The following PTCHD1 variants were observed in gnomAD, a reference collection of about 807,000 sequenced individuals.
PTCHD1 encodes patched domain containing 1.
Under a neutral mutation model 34.6 loss-of-function variants are expected in PTCHD1, and 3 were observed. That is an observed-to-expected ratio of 0.09 (90% confidence interval 0.04 to 0.22). The LOEUF (loss-of-function observed/expected upper bound fraction) is 0.22. PTCHD1 is among the 10% of genes least tolerant of loss of function. The pLI, the probability that PTCHD1 is intolerant of heterozygous loss-of-function variation, is 1.00. For synonymous variants in PTCHD1, 305 were observed against 283.1 expected (o/e 1.08, Z -0.77); for missense variants, 504 against 685.5 (o/e 0.74, Z 2.96).
intron 1 of PTCHD1, among the ~76,000 whole-genome samples, chrX:23,356,117 A>C (rs1013979799): frequency 1.8e-5 from 2 of 112,060 alleles, no homozygotes; most frequent in African/African-American, 6.5e-5. Context: ...ACAAGGTTTC[A>C]GGACATGCAA....
chrX:23,373,262 C>T (rs1048263443), intron 1 of PTCHD1, among the ~76,000 whole-genome samples: 8 of 112,395 alleles, frequency 7.1e-5, no homozygotes, highest in African/African-American at 1.3e-4. Context: ...TGTCAGTACC[C>T]GCAATAAGAG....
intron 1 of PTCHD1, among the ~76,000 whole-genome samples, chrX:23,360,787 G>A (rs1921957975): frequency 8.9e-6 from 1 of 112,036 alleles, no homozygotes; most frequent in African/African-American, 3.3e-5. Context: ...TGGGCATTTA[G>A]TGCTATAAAT....
intron 1 of PTCHD1, among the ~76,000 whole-genome samples, chrX:23,365,576 A>G (rs1922118851): frequency 9.0e-6 from 1 of 111,593 alleles, no homozygotes; most frequent in Non-Finnish European, 1.9e-5. Context: ...GCACAGTCAC[A>G]CTGGGGGAAG....
intron 2 of PTCHD1, among the ~76,000 whole-genome samples, chrX:23,389,440 T>G (rs886703683): frequency 9.0e-6 from 1 of 111,703 alleles, no homozygotes; most frequent in Non-Finnish European, 1.9e-5. Context: ...TGACAAACCT[T>G]CAGGAAGGAG....
chrX:23,389,802 A>C (rs1450508511), intron 2 of PTCHD1, among the ~76,000 whole-genome samples: 1 of 111,964 alleles, frequency 8.9e-6, no homozygotes, highest in Non-Finnish European at 1.9e-5. Flanking sequence ...CCCCCAAACC[A>C]AGAACATATG....
In PTCHD1 at chrX:23,400,022, C is replaced by T. The variant is rs1272461216; in HGVS notation, c.*5837C>T. 8.9e-6 allele frequency: 1 copy of T among 112,185 alleles called. No individual in the cohort carries two copies. The highest frequency in any genetic ancestry group is 1.9e-5 in the Non-Finnish European group (1 of 53,282). 9.2% of individuals were successfully genotyped at this position (112,185 alleles called of 1,213,427 possible). ...ACTGCATACCACATCCTTAGAAGGC[C>T]TGCTCCCAAATGAGCCCTACTCTGA... is the stretch of plus-strand genomic sequence containing the variant. On this transcript the variant is annotated 3_prime_UTR_variant, in exon 3 of 3. Coordinates refer to ENST00000379361, the MANE Select transcript of PTCHD1 (RefSeq NM_173495.3).
intron 1 of PTCHD1, among the ~76,000 whole-genome samples, chrX:23,374,270 G>GA (rs1302127507): frequency 1.1e-4 from 1 of 9,027 alleles, no homozygotes; most frequent in Non-Finnish European, 2.2e-4. Context: ...TTTTCAACAA[G>GA]AAACAAATAC....
intron 1 of PTCHD1, among the ~76,000 whole-genome samples, chrX:23,354,107 G>C (rs1366861047): frequency 1.8e-5 from 2 of 111,111 alleles, no homozygotes; most frequent in African/African-American, 3.3e-5. Flanking sequence ...AAATGGTCAG[G>C]GCTTACAGGG....
At chrX:23,338,803 A>G (rs187326612) in intron 1 of PTCHD1, among the ~76,000 whole-genome samples, 16 of 111,993 alleles carry the variant, frequency 1.4e-4, no homozygotes, top group Admixed American at 4.7e-4. Context: ...TATCCAAATG[A>G]AGTACAGTTG....
intron 1 of PTCHD1, among the ~76,000 whole-genome samples, chrX:23,370,965 C>G (rs1275195030): frequency 2.7e-5 from 3 of 111,227 alleles, no homozygotes; most frequent in Non-Finnish European, 5.7e-5. Flanking sequence ...TGATAGCCCC[C>G]TCAGGAAGCT....
At chrX:23,362,650 C>T (rs923867322) in intron 1 of PTCHD1, among the ~76,000 whole-genome samples, 2 of 112,168 alleles carry the variant, frequency 1.8e-5, no homozygotes, top group South Asian at 3.8e-4. Flanking sequence ...AGTTGTTCTC[C>T]GTCCAGCTTT....
chrX:23,353,101 A>G (rs1043471585), intron 1 of PTCHD1, among the ~76,000 whole-genome samples: 1 of 112,431 alleles, frequency 8.9e-6, no homozygotes, highest in East Asian at 2.8e-4. Flanking sequence ...TGTATTCTAT[A>G]TACACACAAA....
intron 1 of PTCHD1, among the ~76,000 whole-genome samples, chrX:23,366,830 G>A (rs1922152751): frequency 9.1e-6 from 1 of 110,315 alleles, no homozygotes; most frequent in Non-Finnish European, 1.9e-5. Context: ...AAATTTCAAT[G>A]AATGAATAAG....
intron 1 of PTCHD1, among the ~76,000 whole-genome samples, chrX:23,343,954 T>C (rs756383331): frequency 1.8e-5 from 2 of 112,712 alleles, no homozygotes; most frequent in African/African-American, 6.4e-5. Context: ...TCTTGTGGTA[T>C]AGGCAAGTAG....
At chrX:23,352,418 G>C (rs1002846657) in intron 1 of PTCHD1, among the ~76,000 whole-genome samples, 15 of 112,199 alleles carry the variant, frequency 1.3e-4, no homozygotes, top group African/African-American at 4.9e-4. Context: ...CTCAAGATGA[G>C]CAAAAGTATA....
chrX:23,348,484 A>G (rs1921537753), intron 1 of PTCHD1, among the ~76,000 whole-genome samples: 1 of 111,360 alleles, frequency 9.0e-6, no homozygotes, highest in Admixed American at 9.5e-5. Flanking sequence ...ATAAAACCAC[A>G]CTTAGGTGTA....
At chrX:23,334,736 G>C (rs1921099808), upstream of PTCHD1, 1 of 113,088 alleles carries the variant, frequency 8.8e-6, no homozygotes, top group Admixed American at 9.9e-5. Flanking sequence ...GCGGCTCCGG[G>C]AGAGCTCAGG....
chrX:23,377,575 G>GGGGT (rs1555911951), intron 1 of PTCHD1, among the ~76,000 whole-genome samples: 22 of 90,517 alleles, frequency 2.4e-4, no homozygotes, highest in Non-Finnish European at 4.1e-4. Context: ...GCCTCCTAGG[G>GGGGT]GTGTGTGTGT....
chrX:23,380,242 G>A lies in PTCHD1; in HGVS notation c.1003G>A (p.Val335Ile), dbSNP rs727504113. ...TTCCACCTTCCTGGGAGTCCCTTTCGTCATGCTAGGTAATTACTACTCTTC... is the reference window on the plus strand; with the variant it reads ...TTCCACCTTCCTGGGAGTCCCTTTCATCATGCTAGGTAATTACTACTCTTC... ...YNSTFLGVPFVMLGHGLYGTF... is the reference protein window; with the variant it reads ...YNSTFLGVPFIMLGHGLYGTF... The change falls in exon 2 of 3, where the codon GTC becomes ATC. Residue 335 changes from valine to isoleucine, a missense_variant. Coordinates refer to ENST00000379361, the MANE Select transcript of PTCHD1 (RefSeq NM_173495.3). 15 of 1,204,963 alleles carry A rather than the reference G, an allele frequency of 1.2e-5. No individual in the cohort carries two copies. Among genetic ancestry groups the A allele is most frequent in the South Asian group, 8.8e-5 (5 of 56,712 alleles).
Sources: gnomAD v4.1 joint callset for allele counts (sites outside exome capture counted in the v4.1 genomes callset) on GRCh38, gnomAD v4.1.1 for gene constraint, MANE v1.5 for transcripts, NCBI Gene and HGNC (gene_info 2026-07-23, HGNC 2026-07-21) for gene names.